Variants in KATNAL1 observed in about 807,000 individuals in gnomAD.
KATNAL1 encodes katanin p60 ATPase-containing subunit A-like 1.
KATNAL1 carries 32 observed loss-of-function variants against 55.2 expected under a neutral mutation model. The ratio of observed to expected loss-of-function variants is 0.58; its 90% CI spans 0.44 to 0.78. The LOEUF is 0.78. KATNAL1 is among the 30% of genes least tolerant of loss of function. The probability of loss-of-function intolerance (pLI) is 0.00; values close to 1 mark genes in which losing one functional copy is unlikely to be tolerated. For synonymous variants in KATNAL1, 193 were observed against 193.6 expected, an observed-to-expected ratio of 1.00 and a Z score of 0.02; for missense variants, 466 against 600.9, an observed-to-expected ratio of 0.78 and a Z score of 2.35.
At chr13:30,210,847 T>C (rs1873627468) in intron 9 of KATNAL1, among the ~76,000 whole-genome samples, 1 of 152,200 alleles carries the variant, frequency 6.6e-6, no homozygotes, top group Non-Finnish European at 1.5e-5. Context: ...GTGTAACTCC[T>C]ATGAATTACT....
At chr13:30,238,813 C>G (rs7330252) in intron 6 of KATNAL1, among the ~76,000 whole-genome samples, 1 of 152,118 alleles carries the variant, frequency 6.6e-6, no homozygotes, top group African/African-American at 2.4e-5. Flanking sequence ...CTGTTTATAA[C>G]AGGGCTAAAT....
chr13:30,231,518 T>A (rs576669211), intron 6 of KATNAL1, 46 bp from the exon 7 acceptor site: 192 of 1,315,322 alleles, frequency 1.5e-4, no homozygotes, highest in Admixed American at 1.4e-3. Context: ...GATTAAAAAA[T>A]TTTTTTATAA....
At chr13:30,281,800 A>G (rs970610101) in intron 2 of KATNAL1, 1 of 152,264 alleles carries the variant, frequency 6.6e-6, no homozygotes, top group African/African-American at 2.4e-5. Flanking sequence ...TAAAATTGGA[A>G]TAACACAGAG....
At chr13:30,285,375 T>C (rs1881708826) in intron 1 of KATNAL1, among the ~76,000 whole-genome samples, 2 of 152,044 alleles carry the variant, frequency 1.3e-5, no homozygotes, top group Admixed American at 6.6e-5. Context: ...AAGGGGACAG[T>C]TTCCTCCATG....
chr13:30,243,745 C>T (rs1877510067), intron 4 of KATNAL1, among the ~76,000 whole-genome samples: 1 of 151,968 alleles, frequency 6.6e-6, no homozygotes, highest in Non-Finnish European at 1.5e-5. Flanking sequence ...AGCTACCACG[C>T]ATCGGAAATT....
intron 4 of KATNAL1, among the ~76,000 whole-genome samples, chr13:30,249,981 A>G (rs187365419): frequency 6.6e-6 from 1 of 152,320 alleles, no homozygotes; most frequent in East Asian, 1.9e-4. Flanking sequence ...GGAAATAAAT[A>G]CGCAAAACTC....
At chr13:30,223,149 A>G (rs1875054706) in intron 9 of KATNAL1, among the ~76,000 whole-genome samples, 1 of 151,852 alleles carries the variant, frequency 6.6e-6, no homozygotes, top group Non-Finnish European at 1.5e-5. Flanking sequence ...GCTCAACTAT[A>G]TGCTGTCTAT....
intron 1 of KATNAL1, among the ~76,000 whole-genome samples, chr13:30,284,548 T>A (rs764111972): frequency 6.6e-6 from 1 of 152,174 alleles, no homozygotes; most frequent in African/African-American, 2.4e-5. Context: ...AAGTTATACT[T>A]AAAGAATACA....
At chr13:30,288,883 C>CTT (rs1302515614) in intron 1 of KATNAL1, among the ~76,000 whole-genome samples, 1 of 152,178 alleles carries the variant, frequency 6.6e-6, no homozygotes, top group Non-Finnish European at 1.5e-5. Flanking sequence ...GTTGACACTA[C>CTT]TGGTTCAAGA....
rs75674052 is a variant in KATNAL1, at chr13:30,304,737, T to G, written c.-15+2594A>C. Among the ~76,000 whole-genome samples the G allele has an allele frequency of 3.5e-3, 535 of 152,256 alleles. 3 individuals are homozygous for G. The highest frequency in any genetic ancestry group is 0.012 in the African/African-American group (515 of 41,544). On this transcript the variant is annotated intron_variant, in intron 1 of 10. Transcript: ENST00000380615. ...TCTGAACTCCAGACTAAAATGCACC[T>G]CCACCTGAATATCCCATAGGAACCT...
chr13:30,215,233 T>C (rs1429513824), intron 9 of KATNAL1, among the ~76,000 whole-genome samples: 3 of 151,938 alleles, frequency 2.0e-5, no homozygotes, highest in Admixed American at 1.3e-4. Context: ...AGATACCATC[T>C]CACACCAGTT....
chr13:30,292,673 T>C (rs918215151), intron 1 of KATNAL1, among the ~76,000 whole-genome samples: 13 of 152,130 alleles, frequency 8.5e-5, no homozygotes, highest in Non-Finnish European at 1.8e-4. Flanking sequence ...CTCTATGCTG[T>C]CCTTTTTTTA....
chr13:30,272,646 T>TA (rs964571374), intron 3 of KATNAL1, among the ~76,000 whole-genome samples: 88 of 150,960 alleles, frequency 5.8e-4, no homozygotes, highest in African/African-American at 2.0e-3. Context: ...TCTGTAACAT[T>TA]AAAAAAAAAG....
intron 6 of KATNAL1, among the ~76,000 whole-genome samples, chr13:30,239,777 G>A (rs544617592): frequency 5.7e-4 from 85 of 148,264 alleles, no homozygotes; most frequent in Non-Finnish European, 1.1e-3. Context: ...ACTCCAACTC[G>A]CGGGTTCAAG....
intron 3 of KATNAL1, among the ~76,000 whole-genome samples, chr13:30,260,859 A>C (rs1879226230): frequency 6.7e-6 from 1 of 148,520 alleles, no homozygotes; most frequent in Admixed American, 6.7e-5. Flanking sequence ...GATTCAGGAA[A>C]TACAGAGAAC....
chr13:30,262,517 T>TA (rs1295024171), intron 3 of KATNAL1, among the ~76,000 whole-genome samples: 1 of 151,780 alleles, frequency 6.6e-6, no homozygotes, highest in Non-Finnish European at 1.5e-5. Flanking sequence ...ATAGATGCAA[T>TA]AAAAAATGGT....
At chr13:30,258,236 G>A (rs1273469121) in intron 3 of KATNAL1, among the ~76,000 whole-genome samples, 1 of 152,100 alleles carries the variant, frequency 6.6e-6, no homozygotes, top group Non-Finnish European at 1.5e-5. Context: ...TTCCCTATAG[G>A]AATAAGAAAT....
chr13:30,295,998 G>C (rs1183585196), intron 1 of KATNAL1: 3 of 176,746 alleles, frequency 1.7e-5, no homozygotes, highest in Non-Finnish European at 3.5e-5. Context: ...GAGGCTAGAA[G>C]TTCAAGACCA....
intron 4 of KATNAL1, 151 bp from the exon 5 acceptor site, chr13:30,241,237 T>C: frequency 2.9e-6 from 2 of 700,904 alleles, no homozygotes; most frequent in South Asian, 4.0e-5. Context: ...GCCATTCTCC[T>C]CTATTTAATT....
Sources: allele counts gnomAD v4.1 joint callset (sites outside exome capture counted in the v4.1 genomes callset), GRCh38; gene constraint gnomAD v4.1.1; transcripts MANE v1.5; gene names NCBI Gene and HGNC (gene_info 2026-07-23, HGNC 2026-07-21).